Variants in SEMA5A observed in about 807,000 individuals in gnomAD.
The protein encoded by SEMA5A is semaphorin 5A.
Under a neutral mutation model 135.5 loss-of-function variants are expected in SEMA5A, and 55 were observed. That is an observed-to-expected ratio of 0.41 (90% confidence interval 0.33 to 0.51). SEMA5A has a LOEUF of 0.51. Ranked by LOEUF, SEMA5A falls within the 20% of genes least tolerant of loss-of-function variation. SEMA5A has a pLI of 0.37. For synonymous variants in SEMA5A, 580 were observed against 546.5 expected, an observed-to-expected ratio of 1.06 and a Z score of -0.85; for missense variants, 1,290 against 1,419.9, an observed-to-expected ratio of 0.91 and a Z score of 1.47.
At chr5:9,490,156 T>C (rs1333010498) in intron 1 of SEMA5A, among the ~76,000 whole-genome samples, 1 of 152,186 alleles carries the variant, frequency 6.6e-6, no homozygotes, top group African/African-American at 2.4e-5. Flanking sequence ...AATAAGATTG[T>C]CAACTTTCTT....
intron 8 of SEMA5A, among the ~76,000 whole-genome samples, chr5:9,214,324 C>T (rs1746500942): frequency 6.6e-6 from 1 of 152,212 alleles, no homozygotes; most frequent in Non-Finnish European, 1.5e-5. Flanking sequence ...CCTGCTGGCC[C>T]TCTCCAATCC....
At chr5:9,426,762 A>G (rs1757676750) in intron 2 of SEMA5A, among the ~76,000 whole-genome samples, 1 of 152,254 alleles carries the variant, frequency 6.6e-6, no homozygotes, top group Admixed American at 6.5e-5. Context: ...CAAGAAAACA[A>G]GAATAACTTT....
chr5:9,294,645 G>A (rs547305566), intron 5 of SEMA5A, among the ~76,000 whole-genome samples: 29 of 152,236 alleles, frequency 1.9e-4, no homozygotes, highest in African/African-American at 7.0e-4. Flanking sequence ...CACAACATAT[G>A]TCATCTGCTT....
intron 1 of SEMA5A, among the ~76,000 whole-genome samples, chr5:9,461,242 T>G (rs546238296): frequency 6.6e-6 from 1 of 152,366 alleles, no homozygotes; most frequent in East Asian, 1.9e-4. Context: ...TACCAGGTAT[T>G]ATTTCAGATT....
At chr5:9,349,683 T>C (rs1484933713) in intron 3 of SEMA5A, among the ~76,000 whole-genome samples, 2 of 152,034 alleles carry the variant, frequency 1.3e-5, no homozygotes, top group Admixed American at 6.6e-5. Context: ...GTGGTTCACT[T>C]GAGGTCAGGA....
intron 12 of SEMA5A, among the ~76,000 whole-genome samples, chr5:9,146,090 T>C (rs910035865): frequency 3.9e-5 from 6 of 152,186 alleles, no homozygotes; most frequent in Admixed American, 1.3e-4. Context: ...ATTCTCTTTG[T>C]AAAGCAGTTT....
intron 11 of SEMA5A, among the ~76,000 whole-genome samples, chr5:9,155,987 T>C (rs981130869): frequency 2.6e-5 from 4 of 152,228 alleles, no homozygotes; most frequent in Non-Finnish European, 5.9e-5. Context: ...TGGTTAAATA[T>C]GCTACTTTTT....
intron 5 of SEMA5A, among the ~76,000 whole-genome samples, chr5:9,239,846 T>C (rs1748106271): frequency 6.6e-6 from 1 of 152,042 alleles, no homozygotes; most frequent in Non-Finnish European, 1.5e-5. Context: ...TGTTAAAAGT[T>C]AAATAATAAT....
chr5:9,504,314 C>A (rs1201606736), intron 1 of SEMA5A, among the ~76,000 whole-genome samples: 1 of 150,764 alleles, frequency 6.6e-6, no homozygotes, highest in Non-Finnish European at 1.5e-5. Context: ...TATTATAAAA[C>A]CAAGAAAAAA....
intron 8 of SEMA5A, among the ~76,000 whole-genome samples, chr5:9,214,386 G>C (rs1208716598): frequency 6.6e-6 from 1 of 152,212 alleles, no homozygotes; most frequent in Non-Finnish European, 1.5e-5. Flanking sequence ...CCCCTGCAGA[G>C]GTGCAGAGGA....
At chr5:9,193,858 C>T (rs1381904798) in intron 10 of SEMA5A, among the ~76,000 whole-genome samples, 1 of 152,196 alleles carries the variant, frequency 6.6e-6, no homozygotes, top group African/African-American at 2.4e-5. Flanking sequence ...GATCGTACCA[C>T]TGTACACCAG....
chr5:9,129,566 T>A (rs1360288631), intron 13 of SEMA5A, among the ~76,000 whole-genome samples: 2 of 152,254 alleles, frequency 1.3e-5, no homozygotes, highest in African/African-American at 4.8e-5. Flanking sequence ...GTGGCTTTAC[T>A]TTTTCATATG....
chr5:9,232,004 T>G (rs1747657263), intron 6 of SEMA5A, among the ~76,000 whole-genome samples: 1 of 152,174 alleles, frequency 6.6e-6, no homozygotes, highest in Admixed American at 6.5e-5. Flanking sequence ...AACCTGTCCT[T>G]GACTTCAAGG....
At chr5:9,266,001 C>T (rs79061276) in intron 5 of SEMA5A, among the ~76,000 whole-genome samples, 14 of 152,340 alleles carry the variant, frequency 9.2e-5, no homozygotes, top group African/African-American at 3.4e-4. Flanking sequence ...ATCTCTCCCA[C>T]ATTTTCTCCC....
At chr5:9,090,470 A>G (rs2150122922) in intron 16 of SEMA5A, among the ~76,000 whole-genome samples, 1 of 152,368 alleles carries the variant, frequency 6.6e-6, no homozygotes, top group East Asian at 1.9e-4. Context: ...GAAGAGAAAG[A>G]TAATACAACT....
intron 2 of SEMA5A, among the ~76,000 whole-genome samples, chr5:9,384,609 T>C (rs1238424863): frequency 0.013 from 1,593 of 123,714 alleles, 131 homozygotes; most frequent in African/African-American, 0.051. Flanking sequence ...GATAGATAGA[T>C]AGATAGATAC....
chr5:9,154,258 T>C lies in SEMA5A; in HGVS notation c.1481+230A>G, dbSNP rs1210818106. Among the ~76,000 whole-genome samples the C allele has an allele frequency of 2.6e-5, 4 of 151,446 alleles. No individual in the cohort carries two copies. In the East Asian group the frequency reaches 7.8e-4, roughly 30 times the overall value. On this transcript the variant is annotated intron_variant, in intron 12 of 22. Transcript: ENST00000382496. ...ATAATTTATTTTAACCCTGACAACTTCTTACAGGTATTATAACGTGGCTCC... is the reference window on the plus strand; with the variant it reads ...ATAATTTATTTTAACCCTGACAACTCCTTACAGGTATTATAACGTGGCTCC...
At chr5:9,066,182 TAGTG>T (rs1737453004) in intron 17 of SEMA5A, among the ~76,000 whole-genome samples, 2 of 152,220 alleles carry the variant, frequency 1.3e-5, no homozygotes, top group African/African-American at 2.4e-5. Context: ...ATAATAAATA[TAGTG>T]TTATCTGGGG....
At chr5:9,180,452 A>G (rs1020229224) in intron 11 of SEMA5A, among the ~76,000 whole-genome samples, 6 of 152,120 alleles carry the variant, frequency 3.9e-5, no homozygotes, top group Admixed American at 1.3e-4. Flanking sequence ...GCAAGTCCAG[A>G]CTTGGTTTGG....
Sources: gnomAD v4.1 joint callset for allele counts (sites outside exome capture counted in the v4.1 genomes callset) on GRCh38, gnomAD v4.1.1 for gene constraint, MANE v1.5 for transcripts, NCBI Gene and HGNC (gene_info 2026-07-23, HGNC 2026-07-21) for gene names.